The following SAE1 variants were observed in gnomAD, a reference collection of about 807,000 sequenced individuals.
SAE1 encodes the protein SUMO-activating enzyme subunit 1.
Under a neutral mutation model 40.6 loss-of-function variants are expected in SAE1, and 11 were observed. That is an observed-to-expected ratio of 0.27 (90% CI 0.17 to 0.45). The LOEUF (loss-of-function observed/expected upper bound fraction) is 0.45. Ranked by LOEUF, SAE1 falls within the 20% of genes least tolerant of loss-of-function variation. The pLI, the probability that SAE1 is intolerant of heterozygous loss-of-function variation, is 1.00. For synonymous variants in SAE1, 155 were observed against 154.3 expected, an observed-to-expected ratio of 1.00 and a Z score of -0.03; for missense variants, 373 against 427.3, an observed-to-expected ratio of 0.87 and a Z score of 1.12.
Position 47,148,867 on chromosome 19 carries a change from GC to G in SAE1, c.211-1333del, listed in dbSNP as rs769463700. On this transcript the variant is annotated intron_variant, in intron 2 of 8. Transcript: ENST00000270225. ...GACCTCAGGTGATCTGCCTGCCTCG[GC>G]CTCCCAAAGTGCTGGGATTACAAGC... is the stretch of plus-strand genomic sequence containing the variant. Among the ~76,000 whole-genome samples, 38 of 152,236 alleles carry G rather than the reference GC, an allele frequency of 2.5e-4. 1 individual carries two copies. The highest frequency in any genetic ancestry group is 7.9e-4 in the Admixed American group (12 of 15,270).
intron 6 of SAE1, among the ~76,000 whole-genome samples, chr19:47,196,642 G>T (rs1295609619): frequency 2.0e-5 from 3 of 151,678 alleles, no homozygotes; most frequent in Non-Finnish European, 4.4e-5. Context: ...GGTTACAGCT[G>T]TGAGCCACCG....
At chr19:47,139,627 C>T (rs2058205640) in intron 1 of SAE1, among the ~76,000 whole-genome samples, 1 of 137,142 alleles carries the variant, frequency 7.3e-6, no homozygotes. Context: ...TCACTCTTGT[C>T]ACCCAGGCTG....
chr19:47,210,598 G>A lies in SAE1; in HGVS notation c.*1347G>A, dbSNP rs1401445272. 1 of 152,172 alleles carries A rather than the reference G, an allele frequency of 6.6e-6. No homozygotes were observed. Among genetic ancestry groups the A allele is most frequent in the Non-Finnish European group, 1.5e-5 (1 of 68,040 alleles). 9.4% of individuals were successfully genotyped at this position (152,172 alleles called of 1,614,324 possible). A position where few individuals can be genotyped will look rare whatever the true frequency, so the allele number is the denominator to read the frequency against. ...CTTGTGTTTCTTCTTTATGTAAATTGTGTGATGTTTCAATAAATCAGTCTC... is the reference window on the plus strand; with the variant it reads ...CTTGTGTTTCTTCTTTATGTAAATTATGTGATGTTTCAATAAATCAGTCTC... On this transcript the variant is annotated 3_prime_UTR_variant, in exon 9 of 9. Transcript: ENST00000270225.
intron 8 of SAE1, among the ~76,000 whole-genome samples, chr19:47,206,581 C>T (rs769639348): frequency 3.9e-5 from 6 of 152,286 alleles, no homozygotes; most frequent in Non-Finnish European, 7.3e-5. Context: ...CCATCCCCAC[C>T]GTCCACGGCA....
chr19:47,191,990 C>T lies in SAE1; in HGVS notation c.734-5243C>T, dbSNP rs1375086521. On this transcript the variant is annotated intron_variant, in intron 6 of 8. Coordinates refer to ENST00000270225, the MANE Select transcript of SAE1 (RefSeq NM_005500.3). ...AATGGCGTGAACCCGGGAGGCGGAG[C>T]TTGCAGTGAGCCGAGATCGCGCCAC... Among the ~76,000 whole-genome samples the T allele has an allele frequency of 2.0e-5, 3 of 150,924 alleles. No homozygotes were observed. In the East Asian group the frequency reaches 5.9e-4, roughly 30 times the overall value.
At chr19:47,200,086 A>G (rs2058643309) in intron 7 of SAE1, among the ~76,000 whole-genome samples, 1 of 151,878 alleles carries the variant, frequency 6.6e-6, no homozygotes, top group Admixed American at 6.6e-5. Flanking sequence ...GCCCGCCACC[A>G]CGCCCAGCTA....
intron 6 of SAE1, among the ~76,000 whole-genome samples, chr19:47,187,015 G>T (rs549000979): frequency 1.3e-5 from 2 of 152,196 alleles, no homozygotes; most frequent in Non-Finnish European, 2.9e-5. Context: ...ATAGGGTAGG[G>T]GTGGAGGGGG....
intron 2 of SAE1, among the ~76,000 whole-genome samples, chr19:47,147,899 C>T (rs1600156732): frequency 6.6e-6 from 1 of 151,924 alleles, no homozygotes; most frequent in East Asian, 1.9e-4. Flanking sequence ...GCTGGGACTA[C>T]AGGCGCCCAC....
chr19:47,148,641 G>A (rs895085396), intron 2 of SAE1, among the ~76,000 whole-genome samples: 3 of 148,976 alleles, frequency 2.0e-5, no homozygotes, highest in African/African-American at 7.4e-5. Flanking sequence ...TTGAGACAGA[G>A]TCTCACTCTG....
chr19:47,152,100 G>A (rs2058291890), intron 3 of SAE1, among the ~76,000 whole-genome samples: 2 of 152,208 alleles, frequency 1.3e-5, no homozygotes, highest in African/African-American at 4.8e-5. Flanking sequence ...AGCAAAGAGG[G>A]TCTATCAAGT....
At chr19:47,170,068 G>A in intron 6 of SAE1, 145 bp downstream of exon 6, 2 of 651,700 alleles carry the variant, frequency 3.1e-6, no homozygotes, top group Non-Finnish European at 5.6e-6. Flanking sequence ...TTGAGAAAGG[G>A]GTGGTCACTT....
intron 8 of SAE1, among the ~76,000 whole-genome samples, chr19:47,208,496 G>A (rs533627650): frequency 9.9e-5 from 15 of 151,718 alleles, no homozygotes; most frequent in Admixed American, 3.9e-4. Flanking sequence ...GCTGGAGTGC[G>A]GTGGCGCAAT....
intron 8 of SAE1, among the ~76,000 whole-genome samples, chr19:47,206,133 C>T (rs925275152): frequency 6.6e-6 from 1 of 152,228 alleles, no homozygotes; most frequent in Non-Finnish European, 1.5e-5. Context: ...CACACAGCCC[C>T]CTCCTTCCTG....
At chr19:47,151,564 C>CT in intron 3 of SAE1, among the ~76,000 whole-genome samples, 1 of 152,184 alleles carries the variant, frequency 6.6e-6, no homozygotes, top group Admixed American at 6.6e-5. Context: ...CTCCGCCTCC[C>CT]TGGTTTAAGC....
intron 1 of SAE1, among the ~76,000 whole-genome samples, chr19:47,134,714 A>T (rs1297063659): frequency 1.3e-5 from 2 of 152,076 alleles, no homozygotes; most frequent in Non-Finnish European, 2.9e-5. Context: ...GGTGAGGTTT[A>T]AACTGGAATG....
intron 1 of SAE1, among the ~76,000 whole-genome samples, chr19:47,139,108 C>T (rs1280819812): frequency 6.6e-6 from 1 of 152,114 alleles, no homozygotes; most frequent in Non-Finnish European, 1.5e-5. Context: ...CGTGCCACCA[C>T]GCCTGGCTAA....
chr19:47,202,284 CTATT>C (rs749296363), intron 7 of SAE1, among the ~76,000 whole-genome samples: 4 of 151,624 alleles, frequency 2.6e-5, no homozygotes, highest in Non-Finnish European at 5.9e-5. Flanking sequence ...AAAATTATAC[CTATT>C]TATTTATTTA....
intron 5 of SAE1, among the ~76,000 whole-genome samples, chr19:47,158,950 G>A (rs1453118094): frequency 6.6e-6 from 1 of 152,116 alleles, no homozygotes; most frequent in Non-Finnish European, 1.5e-5. Context: ...TGAACATCGG[G>A]ATCATTCTGG....
intron 5 of SAE1, among the ~76,000 whole-genome samples, chr19:47,156,360 T>C (rs2058324668): frequency 6.6e-6 from 1 of 151,688 alleles, no homozygotes; most frequent in South Asian, 2.1e-4. Context: ...TTGCTTGTAG[T>C]CCCAGCTACT....
Sources: allele counts gnomAD v4.1 joint callset (sites outside exome capture counted in the v4.1 genomes callset), GRCh38; gene constraint gnomAD v4.1.1; transcripts MANE v1.5; gene names NCBI Gene and HGNC (gene_info 2026-07-23, HGNC 2026-07-21).